The following PCNX1 variants were observed in gnomAD, a reference collection of about 807,000 sequenced individuals.
The protein encoded by PCNX1 is pecanex 1.
In PCNX1, 78 loss-of-function variants were observed where a neutral mutation model predicts 242.2. The ratio of observed to expected loss-of-function variants is 0.32; its 90% CI spans 0.27 to 0.39. PCNX1 has a LOEUF of 0.39. Ranked by LOEUF, PCNX1 falls within the 10% of genes least tolerant of loss-of-function variation. The pLI, the probability that PCNX1 is intolerant of heterozygous loss-of-function variation, is 1.00. For missense variants in PCNX1, 2,581 were observed against 2,856.5 expected, an observed-to-expected ratio of 0.90 and a Z score of 2.20; for synonymous variants, 1,024 against 1,032.9, an observed-to-expected ratio of 0.99 and a Z score of 0.17.
At chr14:71,082,239 C>G (rs2061873427) in intron 28 of PCNX1, among the ~76,000 whole-genome samples, 1 of 152,144 alleles carries the variant, frequency 6.6e-6, no homozygotes, top group East Asian at 1.9e-4. Context: ...GTTTTGATAT[C>G]TGTTCTCTTG....
chr14:70,982,601 T>C (rs1406702090), intron 6 of PCNX1, among the ~76,000 whole-genome samples: 1 of 152,210 alleles, frequency 6.6e-6, no homozygotes, highest in Non-Finnish European at 1.5e-5. Flanking sequence ...TATATAAAAC[T>C]GCACAGAAGA....
At chr14:71,061,734 G>A (rs2061331005) in intron 26 of PCNX1, among the ~76,000 whole-genome samples, 1 of 152,180 alleles carries the variant, frequency 6.6e-6, no homozygotes, top group African/African-American at 2.4e-5. Context: ...TGCCAAGGAT[G>A]AAGAGATTGC....
Position 70,946,546 on chromosome 14 carries a change from A to G in PCNX1, c.154-369A>G, listed in dbSNP as rs74061497. The stretch of plus-strand genomic sequence containing the variant: ...ACATTTTCTAGTAGCCACATTAAAT[A>G]AAAAGAAACACATGAAATTAATTTT... On this transcript the variant is annotated intron_variant, in intron 1 of 35. Transcript: ENST00000304743. 8.5e-3 allele frequency among the ~76,000 whole-genome samples: 1,298 copies of G among 152,392 alleles called. 26 individuals are homozygous for G. Among genetic ancestry groups the G allele is most frequent in the African/African-American group, 0.029 (1,224 of 41,588 alleles).
At chr14:70,915,756 C>A (rs2056128235) in intron 1 of PCNX1, among the ~76,000 whole-genome samples, 1 of 152,114 alleles carries the variant, frequency 6.6e-6, no homozygotes, top group South Asian at 2.1e-4. Flanking sequence ...GGATTATCTT[C>A]TTTGATAAAT....
chr14:70,982,723 C>T (rs2140177342), intron 6 of PCNX1, among the ~76,000 whole-genome samples: 1 of 152,242 alleles, frequency 6.6e-6, no homozygotes, highest in East Asian at 1.9e-4. Context: ...TATAGAATTC[C>T]CAAAACCAGC....
intron 28 of PCNX1, among the ~76,000 whole-genome samples, 175 bp downstream of exon 28, chr14:71,076,594 G>A (rs2061724574): frequency 6.6e-6 from 1 of 152,166 alleles, no homozygotes; most frequent in South Asian, 2.1e-4. Flanking sequence ...GCCAAAACAG[G>A]TTAAAGGAAG....
intron 5 of PCNX1, among the ~76,000 whole-genome samples, chr14:70,976,372 C>CTTTTT (rs869087088): frequency 1.6e-4 from 13 of 82,672 alleles, no homozygotes; most frequent in South Asian, 3.4e-4. Flanking sequence ...TTCTTTCTTT[C>CTTTTT]TTTTTTTTTT....
chr14:71,043,374 T>C (rs2060767009), intron 19 of PCNX1, among the ~76,000 whole-genome samples: 1 of 152,192 alleles, frequency 6.6e-6, no homozygotes, highest in East Asian at 1.9e-4. Context: ...TCAGCTATTA[T>C]TTCCTTAAAT....
intron 2 of PCNX1, among the ~76,000 whole-genome samples, chr14:70,952,133 A>G (rs1455718046): frequency 1.3e-5 from 2 of 152,218 alleles, no homozygotes; most frequent in African/African-American, 4.8e-5. Context: ...CAATGAATAA[A>G]TGAAATAATA....
intron 1 of PCNX1, among the ~76,000 whole-genome samples, chr14:70,937,206 C>G (rs1387702366): frequency 6.6e-6 from 1 of 152,130 alleles, no homozygotes; most frequent in Non-Finnish European, 1.5e-5. Context: ...GAAGTCCTTA[C>G]CCATGCCTAT....
intron 8 of PCNX1, among the ~76,000 whole-genome samples, chr14:70,999,922 A>G (rs1157508006): frequency 6.6e-6 from 1 of 152,170 alleles, no homozygotes; most frequent in Non-Finnish European, 1.5e-5. Context: ...GTTACTATTA[A>G]CACAGAGTCA....
At chr14:70,970,216 T>A (rs761997712) in intron 5 of PCNX1, among the ~76,000 whole-genome samples, 14 of 151,108 alleles carry the variant, frequency 9.3e-5, no homozygotes, top group Non-Finnish European at 1.6e-4. Context: ...ATAAAAAAAA[T>A]TTACCCGGGC....
intron 26 of PCNX1, among the ~76,000 whole-genome samples, chr14:71,067,534 G>A (rs2061479124): frequency 6.6e-6 from 1 of 151,814 alleles, no homozygotes; most frequent in African/African-American, 2.4e-5. Flanking sequence ...GTTCTATTTT[G>A]TTGATCTTTT....
intron 26 of PCNX1, among the ~76,000 whole-genome samples, chr14:71,066,188 A>C (rs1353914318): frequency 6.6e-6 from 1 of 152,318 alleles, no homozygotes; most frequent in South Asian, 2.1e-4. Flanking sequence ...CATTGAATCT[A>C]TAAATTACTT....
chr14:70,922,785 A>G (rs1357104715), intron 1 of PCNX1, among the ~76,000 whole-genome samples: 1 of 150,716 alleles, frequency 6.6e-6, no homozygotes, highest in Non-Finnish European at 1.5e-5. Flanking sequence ...TGCTAGTGCA[A>G]ACAATGCTGG....
At chr14:70,948,928 T>C (rs1426904043) in intron 2 of PCNX1, among the ~76,000 whole-genome samples, 4 of 147,488 alleles carry the variant, frequency 2.7e-5, no homozygotes, top group Non-Finnish European at 4.5e-5. Flanking sequence ...TGTGTATATA[T>C]GTACATATAT....
At chr14:70,915,972 T>C (rs578158822) in intron 1 of PCNX1, among the ~76,000 whole-genome samples, 130 of 152,216 alleles carry the variant, frequency 8.5e-4, no homozygotes, top group African/African-American at 2.4e-3. Context: ...GGATAAATCA[T>C]GGAGGAAGGG....
At chr14:70,932,061 A>G (rs1170624813) in intron 1 of PCNX1, among the ~76,000 whole-genome samples, 4 of 152,250 alleles carry the variant, frequency 2.6e-5, no homozygotes, top group Non-Finnish European at 5.9e-5. Flanking sequence ...TGGGAGGCAG[A>G]GGTTGCAGAG....
intron 19 of PCNX1, among the ~76,000 whole-genome samples, chr14:71,042,381 T>C (rs959813271): frequency 6.6e-6 from 1 of 152,164 alleles, no homozygotes. Context: ...ATAATTGTTA[T>C]ACCCTTTTCT....
Sources: gnomAD v4.1 joint callset for allele counts (sites outside exome capture counted in the v4.1 genomes callset) on GRCh38, gnomAD v4.1.1 for gene constraint, MANE v1.5 for transcripts, NCBI Gene and HGNC (gene_info 2026-07-23, HGNC 2026-07-21) for gene names.